NBL1: variants seen among roughly 807,000 people sequenced by gnomAD.
The protein encoded by NBL1 is neuroblastoma suppressor of tumorigenicity 1.
Under a neutral mutation model 16.0 loss-of-function variants are expected in NBL1, and 9 were observed. That is an observed-to-expected ratio of 0.56 (90% CI 0.34 to 0.98). The LOEUF (loss-of-function observed/expected upper bound fraction) is 0.98, where lower values mean the gene tolerates loss of function less well. Among genes scored for constraint, NBL1 ranks in the 50% least tolerant of loss-of-function variants. NBL1 has a pLI of 0.02. For missense variants in NBL1, 196 were observed against 243.1 expected (o/e 0.81, Z 1.29); for synonymous variants, 86 against 100.7 (o/e 0.85, Z 0.87).
At chr1:19,654,441 G>A (rs1001138830) in intron 1 of NBL1, among the ~76,000 whole-genome samples, 4 of 152,162 alleles carry the variant, frequency 2.6e-5, no homozygotes, top group African/African-American at 9.7e-5. Context: ...CAACGTGAAG[G>A]TTAAGGCTAA....
chr1:19,643,656 A>G (rs528784207), upstream of NBL1: 12 of 1,274,390 alleles, frequency 9.4e-6, no homozygotes, highest in African/African-American at 1.8e-4. This position sits in a 1 kb window ranked among gnomAD's most constrained non-coding sequence, Gnocchi z 4.7. Context: ...TTTAGTTCCT[A>G]ATAAGTCCCT....
Position 19,656,971 on chromosome 1 carries a change from G to A in NBL1, c.388G>A (p.Glu130Lys), listed in dbSNP as rs552621026. Residue 130 changes from glutamate (E) to lysine (K), a missense_variant, in exon 4 of 4, where the codon GAG becomes AAG. Transcript: ENST00000375136. ...CQACGKEPSH[E>K]GLSVYVQGED... ...GGCCTGCGGCAAGGAGCCTAGTCAC[G>A]AGGGGCTGAGCGTCTATGTGCAGGG... 8.7e-6 allele frequency: 14 copies of A among 1,610,574 alleles called. No individual in the cohort carries two copies. In the African/African-American group the frequency reaches 1.1e-4, roughly 12 times the overall value.
intron 1 of NBL1, chr1:19,645,426 G>A (rs1425911681): frequency 1.0e-6 from 1 of 987,894 alleles, no homozygotes; most frequent in Admixed American, 5.9e-5. Flanking sequence ...GCCGGAGGTT[G>A]GCGGGCATCA....
In NBL1 at chr1:19,644,394, G is replaced by A. The variant is rs189886164; in HGVS notation, c.-72G>A. ...GCCGCCTCGCCGAGCCTCCTGGGGC[G>A]CCCGGGCCCGCGACCCCCGCACCCA... On this transcript the variant is annotated 5_prime_UTR_variant, in exon 1 of 4. Coordinates refer to ENST00000375136, the MANE Select transcript of NBL1 (RefSeq NM_005380.8). The surrounding 1 kb of genome is among the most constrained non-coding windows in gnomAD (Gnocchi z 4.6). 223 of 978,662 alleles carry A rather than the reference G, an allele frequency of 2.3e-4. 2 individuals are homozygous for A. Among genetic ancestry groups the A allele is most frequent in the Admixed American group, 4.5e-4 (7 of 15,708 alleles). 60.6% of individuals were successfully genotyped at this position (978,662 alleles called of 1,614,324 possible). A position where few individuals can be genotyped will look rare whatever the true frequency, so the allele number is the denominator to read the frequency against.
upstream of NBL1, chr1:19,644,292 C>T (rs1164838962): frequency 1.1e-5 from 11 of 979,800 alleles, no homozygotes; most frequent in South Asian, 2.3e-4. The surrounding 1 kb of genome is among the most constrained non-coding windows in gnomAD (Gnocchi z 4.6). Context: ...TCCCCCGCGC[C>T]GCGCGCCCGC....
chr1:19,656,747 T>G, intron 3 of NBL1, 119 bp from the exon 4 acceptor site: 1 of 1,421,686 alleles, frequency 7.0e-7, no homozygotes, highest in Non-Finnish European at 9.3e-7. Flanking sequence ...CAGAGCTAAC[T>G]GGGCATCACA....
At chr1:19,645,967 T>C (rs893212564) in intron 1 of NBL1, 12 of 1,550,412 alleles carry the variant, frequency 7.7e-6, no homozygotes, top group Non-Finnish European at 8.7e-7. Flanking sequence ...AGCCTGGCCC[T>C]GCAGCAGCTC....
At chr1:19,647,850 G>GGTGTGTGTGTGTGT (rs71579812) in intron 1 of NBL1, among the ~76,000 whole-genome samples, 4 of 143,278 alleles carry the variant, frequency 2.8e-5, no homozygotes, top group African/African-American at 8.3e-5. Flanking sequence ...GGAAAGGCCT[G>GGTGTGTGTGTGTGT]GTGTGTGTGT....
intron 1 of NBL1, among the ~76,000 whole-genome samples, chr1:19,645,106 A>G (rs1475195392): frequency 6.6e-6 from 1 of 151,654 alleles, no homozygotes; most frequent in African/African-American, 2.4e-5. Flanking sequence ...GATCCAGACA[A>G]TCCCCCAGTG....
intron 1 of NBL1, among the ~76,000 whole-genome samples, chr1:19,653,836 G>A (rs2095041119): frequency 6.6e-6 from 1 of 152,226 alleles, no homozygotes; most frequent in Non-Finnish European, 1.5e-5. Flanking sequence ...TCCTGAAAGC[G>A]GAATCCTTTG....
intron 1 of NBL1, among the ~76,000 whole-genome samples, chr1:19,648,118 A>G (rs954050850): frequency 2.6e-4 from 40 of 151,894 alleles, no homozygotes; most frequent in Non-Finnish European, 3.1e-4. Context: ...CAGAAGAGGA[A>G]TTGGGGAGGA....
intron 1 of NBL1, among the ~76,000 whole-genome samples, chr1:19,647,874 T>C (rs201558270): frequency 0.13 from 19,375 of 147,222 alleles, 1,349 homozygotes; most frequent in Middle Eastern, 0.23. Context: ...TGCGTGTGTG[T>C]GTGTGTGTGC....
rs925580158 is a variant in NBL1 at position 19,655,743 on chromosome 1, C to T, written c.282+308C>T. Among the ~76,000 whole-genome samples, 7 of 152,330 alleles carry T rather than the reference C, an allele frequency of 4.6e-5. 1 individual carries two copies. Among genetic ancestry groups the T allele is most frequent in the Admixed American group, 6.5e-5 (1 of 15,306 alleles). ...ATGAGACCAAAATCTTTGCCCTGTC[C>T]CGAGAACCTGGCATGGCCTGGCTCA... On this transcript the variant is annotated intron_variant, in intron 3 of 3. Coordinates refer to ENST00000375136, the MANE Select transcript of NBL1 (RefSeq NM_005380.8).
chr1:19,643,331 G>A, upstream of NBL1: 1 of 1,614,040 alleles, frequency 6.2e-7, no homozygotes, highest in Non-Finnish European at 8.5e-7. This position sits in a 1 kb window ranked among gnomAD's most constrained non-coding sequence, Gnocchi z 4.7. Context: ...AACCTCATGA[G>A]TCAGACAAGC....
intron 2 of NBL1, 44 bp from the exon 3 acceptor site, chr1:19,655,280 C>T (rs1266422742): frequency 6.2e-7 from 1 of 1,612,704 alleles, no homozygotes; most frequent in Admixed American, 1.7e-5. Flanking sequence ...CCCATCCCTG[C>T]CTCCCCAACA....
chr1:19,644,270 C>T, upstream of NBL1: 1 of 979,050 alleles, frequency 1.0e-6, no homozygotes, highest in Non-Finnish European at 1.2e-6. This position sits in a 1 kb window ranked among gnomAD's most constrained non-coding sequence, Gnocchi z 4.6. Flanking sequence ...GCCACCCTGA[C>T]GTCGGAGCCG....
chr1:19,656,215 G>A (rs1018797616), intron 3 of NBL1, among the ~76,000 whole-genome samples: 9 of 152,068 alleles, frequency 5.9e-5, no homozygotes, highest in African/African-American at 1.7e-4. Context: ...AAGGAAGAGA[G>A]GAAGGGAGGG....
intron 1 of NBL1, among the ~76,000 whole-genome samples, chr1:19,645,103 A>G (rs562699478): frequency 1.3e-5 from 2 of 152,100 alleles, no homozygotes; most frequent in East Asian, 3.9e-4. Flanking sequence ...TCCGATCCAG[A>G]CAATCCCCCA....
chr1:19,648,380 T>C (rs984453736), intron 1 of NBL1, among the ~76,000 whole-genome samples: 17 of 152,080 alleles, frequency 1.1e-4, no homozygotes, highest in African/African-American at 4.1e-4. Flanking sequence ...CAGAGTCCCG[T>C]GGGGAGCACA....
Sources: gnomAD v4.1 joint callset for allele counts (sites outside exome capture counted in the v4.1 genomes callset) on GRCh38, gnomAD v4.1.1 for gene constraint, Gnocchi (gnomAD v3.1) non-coding constraint, MANE v1.5 for transcripts, NCBI Gene and HGNC (gene_info 2026-07-23, HGNC 2026-07-21) for gene names.